The following DPP10 variants were observed in gnomAD, a reference collection of about 807,000 sequenced individuals.
The protein encoded by DPP10 is inactive dipeptidyl peptidase 10.
DPP10 carries 33 observed loss-of-function variants against 120.9 expected under a neutral mutation model. That is an observed-to-expected ratio of 0.27 (90% CI 0.21 to 0.37). The LOEUF is 0.37. DPP10 is among the 10% of genes least tolerant of loss of function. The pLI is 1.00. For synonymous variants in DPP10, 337 were observed against 326.1 expected, an observed-to-expected ratio of 1.03 and a Z score of -0.36; for missense variants, 816 against 942.8, an observed-to-expected ratio of 0.87 and a Z score of 1.76.
intron 4 of DPP10, among the ~76,000 whole-genome samples, chr2:115,511,701 TTTCTTC>T (rs565620236): frequency 0.025 from 3,181 of 129,698 alleles, 135 homozygotes; most frequent in Non-Finnish European, 0.032. Flanking sequence ...TTTTTTCTTC[TTTCTTC>T]TTCTTCTTCT....
chr2:115,225,149 G>A (rs2057370782), intron 1 of DPP10, among the ~76,000 whole-genome samples: 1 of 152,116 alleles, frequency 6.6e-6, no homozygotes, highest in African/African-American at 2.4e-5. Flanking sequence ...GGCATTTGTG[G>A]GGAGGAATAT....
At chr2:115,793,730 A>G (rs1421412779) in intron 19 of DPP10, among the ~76,000 whole-genome samples, 1 of 152,018 alleles carries the variant, frequency 6.6e-6, no homozygotes, top group Non-Finnish European at 1.5e-5. Context: ...TTCTAGTTAT[A>G]CTTTGTTATA....
intron 1 of DPP10, among the ~76,000 whole-genome samples, chr2:115,014,002 C>A (rs570935425): frequency 1.3e-5 from 2 of 152,278 alleles, no homozygotes; most frequent in African/African-American, 4.8e-5. Flanking sequence ...ACCTAGTAGA[C>A]ATCTACAGAA....
At chr2:115,196,560 C>A (rs1483298175) in intron 1 of DPP10, among the ~76,000 whole-genome samples, 1 of 152,052 alleles carries the variant, frequency 6.6e-6, no homozygotes, top group Non-Finnish European at 1.5e-5. Context: ...TTGCACTGAC[C>A]CATAATAGCT....
intron 1 of DPP10, among the ~76,000 whole-genome samples, chr2:114,551,286 T>A (rs1187328755): frequency 6.6e-6 from 1 of 152,220 alleles, no homozygotes; most frequent in African/African-American, 2.4e-5. Context: ...TTCTCTGGAA[T>A]GGTCCCCATC....
intron 3 of DPP10, among the ~76,000 whole-genome samples, chr2:115,482,958 T>G (rs1464155678): frequency 1.3e-5 from 2 of 152,100 alleles, no homozygotes; most frequent in Non-Finnish European, 2.9e-5. Context: ...ACTTAGACAC[T>G]AATTCAATGA....
chr2:115,361,794 C>A (rs561782086), intron 3 of DPP10, among the ~76,000 whole-genome samples: 1 of 151,940 alleles, frequency 6.6e-6, no homozygotes, highest in Admixed American at 6.6e-5. Flanking sequence ...GTTTGTGTTG[C>A]CTCTCTGTGG....
intron 1 of DPP10, among the ~76,000 whole-genome samples, chr2:114,549,732 AAG>A (rs1467530666): frequency 3.3e-5 from 5 of 150,734 alleles, no homozygotes; most frequent in African/African-American, 4.9e-5. Flanking sequence ...TACAAACAGG[AAG>A]AGAGAGGGCG....
At chr2:114,535,694 C>T (rs1686426106) in intron 1 of DPP10, among the ~76,000 whole-genome samples, 1 of 152,172 alleles carries the variant, frequency 6.6e-6, no homozygotes, top group South Asian at 2.1e-4. Flanking sequence ...CTCAAACCTA[C>T]CTCTTTGATT....
intron 1 of DPP10, among the ~76,000 whole-genome samples, chr2:114,571,278 T>C (rs906002888): frequency 6.6e-6 from 1 of 152,026 alleles, no homozygotes; most frequent in Admixed American, 6.5e-5. Context: ...TATCGTGAGA[T>C]CTGGCTGTTT....
intron 1 of DPP10, among the ~76,000 whole-genome samples, chr2:115,275,569 A>C (rs2059878564): frequency 6.6e-6 from 1 of 152,198 alleles, no homozygotes; most frequent in African/African-American, 2.4e-5. Flanking sequence ...AAGTCACGTT[A>C]GCCGCAAAGG....
chr2:115,313,621 A>G (rs1022836772), intron 2 of DPP10, among the ~76,000 whole-genome samples: 1 of 152,240 alleles, frequency 6.6e-6, no homozygotes, highest in African/African-American at 2.4e-5. Context: ...AGTCTAAGGA[A>G]TGCAAGCCTA....
chr2:115,825,363 T>C (rs1688206174), intron 21 of DPP10, among the ~76,000 whole-genome samples: 2 of 152,232 alleles, frequency 1.3e-5, no homozygotes, highest in Admixed American at 6.5e-5. Context: ...TATTCCCTCC[T>C]GTGTACTCAT....
At chr2:114,527,051 T>C (rs1685564182) in intron 1 of DPP10, among the ~76,000 whole-genome samples, 1 of 152,196 alleles carries the variant, frequency 6.6e-6, no homozygotes, top group African/African-American at 2.4e-5. Flanking sequence ...CACTCCCTTT[T>C]CCTTAATTTT....
At chr2:114,456,046 A>G (rs1475548560) in intron 1 of DPP10, among the ~76,000 whole-genome samples, 3 of 152,138 alleles carry the variant, frequency 2.0e-5, no homozygotes, top group African/African-American at 7.2e-5. Context: ...GCACTTGACT[A>G]TCCCATCATT....
chr2:115,339,870 G>C (rs773087747), intron 2 of DPP10, among the ~76,000 whole-genome samples: 2 of 152,200 alleles, frequency 1.3e-5, no homozygotes, highest in African/African-American at 2.4e-5. Context: ...TCTTGACTGT[G>C]GTGCTGGTCA....
intron 1 of DPP10, among the ~76,000 whole-genome samples, chr2:115,135,166 C>T (rs1000646021): frequency 7.9e-5 from 12 of 151,530 alleles, no homozygotes; most frequent in African/African-American, 1.9e-4. Context: ...CCGTCATGTA[C>T]GTAAAAACAG....
chr2:115,528,133 G>T (rs1319477173), intron 5 of DPP10, among the ~76,000 whole-genome samples: 1 of 151,864 alleles, frequency 6.6e-6, no homozygotes, highest in Non-Finnish European at 1.5e-5. Flanking sequence ...GATCCCTGAG[G>T]AATTGCCACA....
intron 1 of DPP10, among the ~76,000 whole-genome samples, chr2:115,125,093 T>C (rs751281910): frequency 2.0e-5 from 3 of 152,210 alleles, no homozygotes; most frequent in African/African-American, 4.8e-5. Flanking sequence ...TTCCATACTT[T>C]AACTCGGGCA....
Sources: allele counts gnomAD v4.1 joint callset (sites outside exome capture counted in the v4.1 genomes callset), GRCh38; gene constraint gnomAD v4.1.1; transcripts MANE v1.5; gene names NCBI Gene and HGNC (gene_info 2026-07-23, HGNC 2026-07-21).